Variants in NUDT4 observed in about 807,000 individuals in gnomAD.
NUDT4 encodes diphosphoinositol polyphosphate phosphohydrolase 2.
NUDT4 carries 5 observed loss-of-function variants against 23.1 expected under a neutral mutation model. That is an observed-to-expected ratio of 0.22 (90% CI 0.11 to 0.46). The LOEUF (loss-of-function observed/expected upper bound fraction) is 0.46. NUDT4 is among the 20% of genes least tolerant of loss of function. The probability of loss-of-function intolerance (pLI) is 0.99; values close to 1 mark genes in which losing one functional copy is unlikely to be tolerated. For missense variants in NUDT4, 96 were observed against 211.6 expected, an observed-to-expected ratio of 0.45 and a Z score of 3.39; for synonymous variants, 50 against 79.0, an observed-to-expected ratio of 0.63 and a Z score of 1.95.
At position 93,377,925 on chromosome 12, in the gene NUDT4, G is replaced by C. The variant is rs902019171; in HGVS notation, c.-398G>C. 1 of 310,388 alleles carries C rather than the reference G, an allele frequency of 3.2e-6. No homozygotes were observed. The highest frequency in any genetic ancestry group is 6.4e-6 in the Non-Finnish European group (1 of 156,384). 19.2% of individuals were successfully genotyped at this position (310,388 alleles called of 1,614,324 possible). On this transcript the variant is annotated 5_prime_UTR_variant, in exon 1 of 5. Transcript: ENST00000415493. ...AAACAGAGCAGAGGGGGCGGCGCGC[G>C]GTCGCCGCGGTGCTGCTGCTCAGTG...
chr12:93,391,131 G>A (rs1006688238), intron 1 of NUDT4, among the ~76,000 whole-genome samples: 1 of 152,006 alleles, frequency 6.6e-6, no homozygotes, highest in African/African-American at 2.4e-5. Context: ...AGAAGTGCTG[G>A]CATGCATTTA....
chr12:93,403,363 G>C lies in NUDT4; in HGVS notation c.*3984G>C, dbSNP rs942407189. The C allele has an allele frequency of 1.3e-5, 2 of 152,172 alleles. No individual in the cohort carries two copies. Among genetic ancestry groups the C allele is most frequent in the African/African-American group, 2.4e-5 (1 of 41,386 alleles). The allele number at this position is 152,172 out of a possible 1,614,324, so 9.4% of individuals were successfully genotyped here. ...AGACAGCATCTCACACTGTCGCCCA[G>C]GCTGGAGTGCAGTGGTGCAATCTCA... On this transcript the variant is annotated 3_prime_UTR_variant, in exon 5 of 5. Transcript: ENST00000415493.
chr12:93,405,895 A>T lies in NUDT4; in HGVS notation c.*6516A>T, dbSNP rs750114477. The T allele has an allele frequency of 6.6e-6, 1 of 152,214 alleles. No individual in the cohort carries two copies. Among genetic ancestry groups the T allele is most frequent in the Admixed American group, 6.5e-5 (1 of 15,280 alleles). The allele number at this position is 152,214 out of a possible 1,614,324, so 9.4% of individuals were successfully genotyped here. ...TTTTTCTTAAATAAAGCAATAAATT[A>T]GGTACCCTATTATCATGGTATTTTC... On this transcript the variant is annotated 3_prime_UTR_variant, in exon 5 of 5. Coordinates refer to ENST00000415493, the MANE Select transcript of NUDT4 (RefSeq NM_019094.6).
intron 1 of NUDT4, among the ~76,000 whole-genome samples, chr12:93,390,948 A>G (rs1422329327): frequency 6.6e-6 from 1 of 152,086 alleles, no homozygotes; most frequent in Non-Finnish European, 1.5e-5. Flanking sequence ...CTCTCTTTTA[A>G]CTCAGCATTT....
At chr12:93,396,138 A>G (rs1369625571) in intron 3 of NUDT4, among the ~76,000 whole-genome samples, 1 of 152,184 alleles carries the variant, frequency 6.6e-6, no homozygotes, top group Non-Finnish European at 1.5e-5. Flanking sequence ...TAGATCTTTT[A>G]GGAGGTACAA....
chr12:93,394,503 T>TCG, intron 1 of NUDT4, 106 bp from the exon 2 acceptor site: 1 of 584,084 alleles, frequency 1.7e-6, no homozygotes, highest in Non-Finnish European at 3.0e-6. Context: ...AATTTTAAAA[T>TCG]ATTTTAATCT....
chr12:93,396,527 A>G (rs1010735373), intron 3 of NUDT4, among the ~76,000 whole-genome samples: 1 of 152,178 alleles, frequency 6.6e-6, no homozygotes, highest in African/African-American at 2.4e-5. Context: ...GAACCATATA[A>G]ATTTTATTTT....
At chr12:93,398,354 A>AG (rs947429229) in intron 3 of NUDT4, among the ~76,000 whole-genome samples, 5 of 150,720 alleles carry the variant, frequency 3.3e-5, no homozygotes, top group African/African-American at 9.9e-5. Context: ...AAAAAAAAAA[A>AG]AAAAAGAAAA....
At position 93,403,290 on chromosome 12, in the gene NUDT4, T is replaced by A. The variant is rs1014139266; in HGVS notation, c.*3911T>A. On this transcript the variant is annotated 3_prime_UTR_variant, in exon 5 of 5. Transcript: ENST00000415493. ...AGCTTATATTCTAGTGGGGTAGAGA[T>A]AAGTGATTTATCTTGGTGTAGTTTT... 6.6e-6 allele frequency: 1 copy of A among 152,194 alleles called. No individual in the cohort carries two copies. The highest frequency in any genetic ancestry group is 1.5e-5 in the Non-Finnish European group (1 of 68,038). The allele number at this position is 152,194 out of a possible 1,614,324, so 9.4% of individuals were successfully genotyped here.
intron 1 of NUDT4, among the ~76,000 whole-genome samples, chr12:93,386,590 AAG>A (rs1364604549): frequency 1.3e-5 from 2 of 152,098 alleles, no homozygotes; most frequent in African/African-American, 4.8e-5. Context: ...AAAAAAAAAA[AAG>A]AAGCTATTAA....
chr12:93,380,126 C>G (rs1430887084), intron 1 of NUDT4, among the ~76,000 whole-genome samples: 2 of 152,148 alleles, frequency 1.3e-5, no homozygotes, highest in Non-Finnish European at 2.9e-5. Context: ...AGTCCTTACT[C>G]CTGATGTTGG....
chr12:93,395,248 A>G (rs1158184115), intron 2 of NUDT4, among the ~76,000 whole-genome samples: 1 of 152,136 alleles, frequency 6.6e-6, no homozygotes, highest in Non-Finnish European at 1.5e-5. Flanking sequence ...GGCCTCCCAA[A>G]GTGCTGGGAT....
intron 3 of NUDT4, among the ~76,000 whole-genome samples, chr12:93,398,027 CTT>C (rs1877059712): frequency 1.3e-5 from 2 of 152,014 alleles, no homozygotes; most frequent in South Asian, 2.1e-4. Flanking sequence ...GCATTCAACT[CTT>C]AAGATTTTCT....
rs1294670259 is a variant in NUDT4, at chr12:93,406,639, A to G, written c.*7260A>G. On this transcript the variant is annotated 3_prime_UTR_variant, in exon 5 of 5. Coordinates refer to ENST00000415493, the MANE Select transcript of NUDT4 (RefSeq NM_019094.6). ...AACATTGTGTCTGTAGTCAACATGT[A>G]TATTTTTGTCATTATTCCTTAAACA... 2 of 152,246 alleles carry G rather than the reference A, an allele frequency of 1.3e-5. No homozygotes were observed. Among genetic ancestry groups the G allele is most frequent in the Non-Finnish European group, 2.9e-5 (2 of 68,038 alleles). The allele number at this position is 152,246 out of a possible 1,614,324, so 9.4% of individuals were successfully genotyped here.
intron 4 of NUDT4, 127 bp from the exon 5 acceptor site, chr12:93,399,050 T>C: frequency 8.1e-6 from 6 of 741,844 alleles, no homozygotes; most frequent in Non-Finnish European, 1.4e-5. Context: ...TAGAGATGCA[T>C]ATTCATCTTA....
intron 1 of NUDT4, 75 bp downstream of exon 1, chr12:93,378,496 GC>G: frequency 7.2e-7 from 1 of 1,385,238 alleles, no homozygotes; most frequent in Non-Finnish European, 9.5e-7. Context: ...CTCGCTCCCC[GC>G]CCCTGCGCAG....
At chr12:93,390,456 A>C (rs772684357) in intron 1 of NUDT4, among the ~76,000 whole-genome samples, 1 of 152,214 alleles carries the variant, frequency 6.6e-6, no homozygotes, top group Admixed American at 6.5e-5. Flanking sequence ...AATTTTGAAT[A>C]AAATACAAAG....
intron 1 of NUDT4, among the ~76,000 whole-genome samples, chr12:93,386,244 A>G (rs890416487): frequency 5.9e-5 from 9 of 152,034 alleles, no homozygotes; most frequent in African/African-American, 2.2e-4. Context: ...AAGCACCGGG[A>G]TTACGGGTGT....
rs1051857367 is a variant in NUDT4 at position 93,398,660 on chromosome 12, G to T, written c.256-111G>T. ...AACTGAATATACTTGCCTGTGCTGG[G>T]AAATACGCTATGCTAATCAGCAGTA... On this transcript the variant is annotated intron_variant, in intron 3 of 4. Coordinates refer to ENST00000415493, the MANE Select transcript of NUDT4 (RefSeq NM_019094.6). The T allele has an allele frequency of 1.2e-5, 8 of 669,382 alleles. No individual in the cohort carries two copies. In the African/African-American group the frequency reaches 1.5e-4, roughly 12 times the overall value. The allele number at this position is 669,382 out of a possible 1,614,324, so 41.5% of individuals were successfully genotyped here. A position where few individuals can be genotyped will look rare whatever the true frequency, so the allele number is the denominator to read the frequency against.
Sources: gnomAD v4.1 joint callset for allele counts (sites outside exome capture counted in the v4.1 genomes callset) on GRCh38, gnomAD v4.1.1 for gene constraint, MANE v1.5 for transcripts, NCBI Gene and HGNC (gene_info 2026-07-23, HGNC 2026-07-21) for gene names.